The following FGA variants were observed in gnomAD, a reference collection of about 807,000 sequenced individuals.
The protein encoded by FGA is fibrinogen, A alpha polypeptide.
In FGA, 20 loss-of-function variants were observed where a neutral mutation model predicts 20.3. The ratio of observed to expected loss-of-function variants is 0.99; its 90% CI spans 0.69 to 1.43. The LOEUF is 1.43. FGA is among the 40% of genes most tolerant of loss of function. FGA has a pLI of 0.00. For synonymous variants in FGA, 306 were observed against 281.6 expected, an observed-to-expected ratio of 1.09 and a Z score of -0.87; for missense variants, 777 against 784.7, an observed-to-expected ratio of 0.99 and a Z score of 0.12.
downstream of FGA, chr4:154,583,364 T>C (rs576822837): frequency 3.9e-5 from 6 of 152,340 alleles, no homozygotes; most frequent in Non-Finnish European, 7.4e-5. Context: ...ATATAGTTTA[T>C]GATTATTAGA....
At chr4:154,583,299 G>A (rs367551249), downstream of FGA, 1 of 152,314 alleles carries the variant, frequency 6.6e-6, no homozygotes, top group Admixed American at 6.5e-5. Flanking sequence ...ATCATACTTA[G>A]TGAGAGGCTT....
In FGA at chr4:154,585,733, C is replaced by T; in HGVS notation, c.1696G>A (p.Gly566Arg). 1.2e-6 allele frequency: 2 copies of T among 1,614,154 alleles called. No individual in the cohort carries two copies. Among genetic ancestry groups the T allele is most frequent in the Non-Finnish European group, 1.7e-6 (2 of 1,180,008 alleles). The change falls in exon 5 of 5, where the codon GGG (glycine) becomes AGG (arginine). Residue 566 changes from glycine to arginine, a missense_variant. By Grantham distance (125) the Gly-to-Arg change is moderately radical (BLOSUM62 -2). Transcript: ENST00000403106. ...CCACGGGAAGGGAATTCAGCTATCC[C>T]AGGGTGATGAGAACTGGATTCCTTT... ...NTKESSSHHP[G>R]IAEFPSRGKS...
chr4:154,589,054 C>T (rs1044648621), intron 2 of FGA, 78 bp from the exon 3 acceptor site: 29 of 1,231,300 alleles, frequency 2.4e-5, no homozygotes, highest in Non-Finnish European at 3.1e-5. Context: ...CCATGCAGCC[C>T]CCATTTCTTC....
chr4:154,583,531 G>A (rs973804326), downstream of FGA: 2 of 152,200 alleles, frequency 1.3e-5, no homozygotes, highest in African/African-American at 4.8e-5. Flanking sequence ...AACGTCTAGT[G>A]GAAGAGTTTA....
Position 154,586,213 on chromosome 4 carries a change from T to C in FGA, c.1216A>G (p.Asn406Asp). The change falls in exon 5 of 5, where the codon AAC becomes GAC. Residue 406 changes from asparagine (N) to aspartate (D), a missense_variant. Asn to Asp is a conservative substitution (Grantham distance 23, BLOSUM62 1). Coordinates refer to ENST00000403106, the MANE Select transcript of FGA (RefSeq NM_021871.4). The stretch of plus-strand genomic sequence containing the variant: ...TCAAATGTGCCCCAGTCTGGGTTGT[T>C]AGGCCTCGCGTTCCCAGAGCCTGGG... ...DSPGSGNARP[N>D]NPDWGTFEEV... 1.2e-6 allele frequency: 2 copies of C among 1,614,138 alleles called. No homozygotes were observed. The highest frequency in any genetic ancestry group is 4.5e-5 in the East Asian group (2 of 44,872).
chr4:154,584,564 C>T (rs1318849781), downstream of FGA: 1 of 1,614,076 alleles, frequency 6.2e-7, no homozygotes, highest in Admixed American at 1.7e-5. Context: ...AGAACAGAGC[C>T]CCTTTGGGTT....
downstream of FGA, chr4:154,584,941 C>A: frequency 1.1e-6 from 1 of 900,770 alleles, no homozygotes; most frequent in Admixed American, 2.0e-5. Flanking sequence ...CCCTTCCTTT[C>A]TTTCTTCCTC....
intron 1 of FGA, among the ~76,000 whole-genome samples, chr4:154,590,088 G>A (rs191475311): frequency 5.9e-5 from 9 of 152,304 alleles, no homozygotes; most frequent in Admixed American, 3.3e-4. Context: ...GCGGAAAAGC[G>A]TATTGCCTTA....
Position 154,586,470 on chromosome 4 carries a change from G to A in FGA, c.959C>T (p.Thr320Ile), listed in dbSNP as rs1730721493. 1 of 1,608,766 alleles carries A rather than the reference G, an allele frequency of 6.2e-7. No homozygotes were observed. The highest frequency in any genetic ancestry group is 1.1e-5 in the South Asian group (1 of 90,624). Residue 320 changes from threonine (T) to isoleucine (I), a missense_variant, in exon 5 of 5, where the codon ACC becomes ATC. Physicochemically the swap from Thr to Ile is moderately conservative, Grantham distance 89 (BLOSUM62 -1). Transcript: ENST00000403106. ...PGSSGTGGTATWKPGSSGPGS... is the reference protein window; with the variant it reads ...PGSSGTGGTAIWKPGSSGPGS... ...AGGTCCAGAGCTCCCAGGTTTCCAG[G>A]TTGCAGTCCCTCCAGTCCCAGAGCT...
Position 154,586,172 on chromosome 4 carries a change from A to G in FGA, c.1257T>C (p.Asn419=). The change falls in exon 5 of 5, where the codon AAT becomes AAC. Residue 419 remains asparagine, a synonymous_variant. Transcript: ENST00000403106. ...ACTCTCTCCTTGTCCCTGGACTTAC[A>G]TTTCCTGACACCTCTTCAAATGTGC... The part of the protein sequence containing the change: ...DWGTFEEVSG[N]VSPGTRREYH... 3 of 1,614,100 alleles carry G rather than the reference A, an allele frequency of 1.9e-6. No individual in the cohort carries two copies. The South Asian group carries it at 3.3e-5, about 18-fold the overall frequency.
chr4:154,586,265 A>G lies in FGA; in HGVS notation c.1164T>C (p.Ser388=). The G allele has an allele frequency of 6.2e-7, 1 of 1,614,124 alleles. No individual in the cohort carries two copies. The highest frequency in any genetic ancestry group is 8.5e-7 in the Non-Finnish European group (1 of 1,179,966). ...TATCTGGCCTAAAACTTCCAGATTC[A>G]GAGTGCCATTGTCCAGTACTACCAG... ...SVSGSTGQWH[S]ESGSFRPDSP... is the part of the protein sequence containing the mutation. Residue 388 remains serine, a synonymous_variant, in exon 5 of 5, where the codon TCT becomes TCC. Coordinates refer to ENST00000403106, the MANE Select transcript of FGA (RefSeq NM_021871.4).
intron 1 of FGA, among the ~76,000 whole-genome samples, chr4:154,590,234 G>A (rs183612734): frequency 1.6e-3 from 242 of 152,308 alleles, no homozygotes; most frequent in African/African-American, 5.5e-3. Flanking sequence ...TTATGGACAA[G>A]TAGCAAGAAA....
chr4:154,589,402 G>A, intron 2 of FGA, 35 bp downstream of exon 2: 3 of 1,612,814 alleles, frequency 1.9e-6, no homozygotes, highest in Non-Finnish European at 2.5e-6. Context: ...GCATCAGAGG[G>A]AAGGAATCTC....
At chr4:154,587,801 A>AAGAAAGAAAGAAAGAAAGAG (rs1261716298) in intron 3 of FGA, 144 bp from the exon 4 acceptor site, 1 of 693,166 alleles carries the variant, frequency 1.4e-6, no homozygotes, top group African/African-American at 1.9e-5. Flanking sequence ...GAAAGAAAGA[A>AAGAAAGAAAGAAAGAAAGAG]AGAGAAAAAA....
chr4:154,584,355 C>T (rs1179402588), downstream of FGA: 11 of 1,614,128 alleles, frequency 6.8e-6, no homozygotes, highest in Admixed American at 3.3e-5. Flanking sequence ...GGTCTGCATC[C>T]CTGTCAAAGG....
intron 1 of FGA, among the ~76,000 whole-genome samples, chr4:154,590,079 C>T (rs1161816854): frequency 2.0e-5 from 3 of 152,274 alleles, no homozygotes; most frequent in East Asian, 1.9e-4. Flanking sequence ...ACCATTACTG[C>T]GGAAAAGCGT....
At chr4:154,588,191 G>A (rs902202908) in intron 3 of FGA, among the ~76,000 whole-genome samples, 2 of 152,148 alleles carry the variant, frequency 1.3e-5, no homozygotes, top group Admixed American at 6.5e-5. Context: ...GCCAGCTAGT[G>A]TTGCATCACT....
At position 154,586,358 on chromosome 4, in the gene FGA, G is replaced by A. The variant is rs6051; in HGVS notation, c.1071C>T (p.Thr357=). ...CAGAGCTGCCAGGATTCCAGGTTCC[G>A]GTACTACCAGGTCTAGGGCTCCCAG... ...QNPGSPRPGS[T]GTWNPGSSER... Residue 357 remains threonine, a synonymous_variant, in exon 5 of 5, where the codon ACC becomes ACT. Coordinates refer to ENST00000403106, the MANE Select transcript of FGA (RefSeq NM_021871.4). 9.3e-6 allele frequency: 15 copies of A among 1,613,962 alleles called. No individual in the cohort carries two copies. In the Admixed American group the frequency reaches 1.2e-4, roughly 13 times the overall value.
Position 154,585,976 on chromosome 4 carries a change from A to G in FGA, c.1453T>C (p.Ser485Pro), listed in dbSNP as rs574254046. Residue 485 changes from serine (S) to proline (P), a missense_variant, in exon 5 of 5, where the codon TCC (serine) becomes CCC (proline). Ser to Pro is a moderately conservative substitution (Grantham distance 74). Coordinates refer to ENST00000403106, the MANE Select transcript of FGA (RefSeq NM_021871.4). ...HKEVTKEVVT[S>P]EDGSDCPEAM... ...TCGGGACAGTCAGAACCATCTTCGGAGGTCACCACTTCTTTGGTAACTTCT... is the reference window on the plus strand; with the variant it reads ...TCGGGACAGTCAGAACCATCTTCGGGGGTCACCACTTCTTTGGTAACTTCT... 6.2e-7 allele frequency: 1 copy of G among 1,614,160 alleles called. No individual in the cohort carries two copies. The highest frequency in any genetic ancestry group is 1.1e-5 in the South Asian group (1 of 91,076).
Sources: allele counts gnomAD v4.1 joint callset (sites outside exome capture counted in the v4.1 genomes callset), GRCh38; gene constraint gnomAD v4.1.1; transcripts MANE v1.5; gene names NCBI Gene and HGNC (gene_info 2026-07-23, HGNC 2026-07-21).